Variants in C10orf67 observed in about 807,000 individuals in gnomAD.
C10orf67 encodes the protein uncharacterized protein C10orf67, mitochondrial.
In C10orf67, 60 loss-of-function variants were observed where a neutral mutation model predicts 35.6. That is an observed-to-expected ratio of 1.68 (90% confidence interval 1.37 to 2.09). The LOEUF is 2.09. Among genes scored for constraint, C10orf67 ranks in the 30% most tolerant of loss-of-function variants. The pLI, the probability that C10orf67 is intolerant of heterozygous loss-of-function variation, is 0.00. For missense variants in C10orf67, 474 were observed against 330.2 expected, an observed-to-expected ratio of 1.44 and a Z score of -3.38; for synonymous variants, 167 against 115.8, an observed-to-expected ratio of 1.44 and a Z score of -2.84.
intron 10 of C10orf67, among the ~76,000 whole-genome samples, chr10:23,262,383 G>A (rs1036298202): frequency 4.0e-5 from 6 of 151,500 alleles, no homozygotes; most frequent in African/African-American, 1.5e-4. Flanking sequence ...GGGTCACCTC[G>A]CTGTCTGTGG....
intron 1 of C10orf67, among the ~76,000 whole-genome samples, chr10:23,343,312 G>A (rs1001300678): frequency 6.6e-6 from 1 of 152,088 alleles, no homozygotes; most frequent in Non-Finnish European, 1.5e-5. Flanking sequence ...GGTGGGAGCG[G>A]GTGTGGGGGA....
At chr10:23,259,161 C>T (rs560210901) in intron 10 of C10orf67, among the ~76,000 whole-genome samples, 1 of 152,196 alleles carries the variant, frequency 6.6e-6, no homozygotes, top group Non-Finnish European at 1.5e-5. Flanking sequence ...TAAACACTTT[C>T]TCTGTTTACC....
chr10:23,241,309 G>T (rs1190136136), intron 12 of C10orf67, among the ~76,000 whole-genome samples: 1 of 152,190 alleles, frequency 6.6e-6, no homozygotes, highest in African/African-American at 2.4e-5. Context: ...GTCCCAGGAT[G>T]AATTATAACC....
chr10:23,264,151 G>A (rs1319812471), intron 10 of C10orf67, among the ~76,000 whole-genome samples: 1 of 152,136 alleles, frequency 6.6e-6, no homozygotes, highest in East Asian at 1.9e-4. Flanking sequence ...TACCTCCATG[G>A]AGTTAAATAT....
At chr10:23,207,697 T>C (rs542735503) in intron 15 of C10orf67, among the ~76,000 whole-genome samples, 1 of 152,332 alleles carries the variant, frequency 6.6e-6, no homozygotes, top group East Asian at 1.9e-4. Flanking sequence ...TGGATGTCCA[T>C]TGGAAAGCTA....
chr10:23,333,096 T>C lies in C10orf67; in HGVS notation c.293A>G (p.Lys98Arg). The change falls in exon 2 of 16, where the codon AAA becomes AGA. Residue 98 changes from lysine (K) to arginine (R), a missense_variant. By Grantham distance (26) the Lys-to-Arg change is conservative. Transcript: ENST00000636213. The part of the protein sequence containing the change: ...QTDSSEILSV[K>R]ELSSSTQKLA... ...CTTTTGCGTAGATGAACTCAATTCT[T>C]TTACTGACAGTATTTCACTGGAATC... 6.2e-7 allele frequency: 1 copy of C among 1,612,126 alleles called. No individual in the cohort carries two copies. The highest frequency in any genetic ancestry group is 8.5e-7 in the Non-Finnish European group (1 of 1,178,716).
In C10orf67 at chr10:23,284,695, CCAAACAAACAAA is replaced by C. The variant is rs72488870; in HGVS notation, c.910-2629_910-2618del. 7.3e-5 allele frequency among the ~76,000 whole-genome samples: 11 copies of C among 151,154 alleles called. 1 individual carries two copies. The highest frequency in any genetic ancestry group is 6.0e-4 in the Admixed American group (9 of 15,094). On this transcript the variant is annotated intron_variant, in intron 7 of 15. Transcript: ENST00000636213. The stretch of plus-strand genomic sequence containing the variant: ...AGCAAGACCTTATCTCAAAAAACCC[CCAAACAAACAAA>C]CAAACAAACAAACAAAAAAACCTAA...
intron 13 of C10orf67, among the ~76,000 whole-genome samples, chr10:23,236,429 T>TCAAAA (rs553906349): frequency 0.032 from 4,776 of 151,146 alleles, 247 homozygotes; most frequent in African/African-American, 0.11. Context: ...AGACTCTGTC[T>TCAAAA]CAAAACAAAA....
intron 12 of C10orf67, among the ~76,000 whole-genome samples, chr10:23,245,645 A>G (rs1451909594): frequency 6.6e-6 from 1 of 152,210 alleles, no homozygotes; most frequent in East Asian, 1.9e-4. Flanking sequence ...AATCAAAACC[A>G]CAATAAGATA....
At chr10:23,302,662 T>A (rs1027921344) in intron 5 of C10orf67, among the ~76,000 whole-genome samples, 3 of 152,184 alleles carry the variant, frequency 2.0e-5, no homozygotes, top group Admixed American at 1.3e-4. Flanking sequence ...AGAGCAGACA[T>A]GAGATGACAA....
chr10:23,251,804 G>A (rs1292336889), intron 10 of C10orf67, among the ~76,000 whole-genome samples: 1 of 151,702 alleles, frequency 6.6e-6, no homozygotes, highest in Non-Finnish European at 1.5e-5. Flanking sequence ...TAGCTTATCT[G>A]GCAAGAAAAT....
At chr10:23,262,941 T>A (rs1842790357) in intron 10 of C10orf67, among the ~76,000 whole-genome samples, 2 of 152,220 alleles carry the variant, frequency 1.3e-5, no homozygotes, top group South Asian at 4.1e-4. Context: ...TATCTGTACA[T>A]TTTAGGGTTA....
At chr10:23,323,952 T>TACACACACACACACACAC (rs747699026) in intron 2 of C10orf67, among the ~76,000 whole-genome samples, 10 of 64,692 alleles carry the variant, frequency 1.5e-4, no homozygotes, top group African/African-American at 5.4e-4. Context: ...TATATATATA[T>TACACACACACACACACAC]ACACACACAC....
intron 10 of C10orf67, among the ~76,000 whole-genome samples, chr10:23,265,933 G>A (rs577176889): frequency 8.2e-4 from 125 of 152,328 alleles, no homozygotes; most frequent in African/African-American, 3.0e-3. Context: ...ATCTTCTGAT[G>A]ACACTGGGCA....
rs1206667483 is a variant in C10orf67 at position 23,344,593 on chromosome 10, G to A, written c.182C>T (p.Pro61Leu). 8.2e-6 allele frequency: 13 copies of A among 1,579,494 alleles called. No individual in the cohort carries two copies. The highest frequency in any genetic ancestry group is 1.0e-5 in the Non-Finnish European group (12 of 1,163,724). Residue 61 changes from proline (P) to leucine (L), a missense_variant, in exon 1 of 16, where the codon CCC (proline) becomes CTC (leucine). Transcript: ENST00000636213. ...CCTCGTGGACCCGCGCATTTGCGGG[G>A]GCTTGAATTCCCGAGCTTCTCGCTT... Reference protein sequence around the residue: ...RRKREAREFKPPQMRGSTRLN... With the variant: ...RRKREAREFKLPQMRGSTRLN...
chr10:23,329,981 T>C (rs1408816714), intron 2 of C10orf67, among the ~76,000 whole-genome samples: 1 of 152,134 alleles, frequency 6.6e-6, no homozygotes, highest in Non-Finnish European at 1.5e-5. Flanking sequence ...AAACCAAATT[T>C]TACCACATCA....
At chr10:23,331,584 G>A (rs183115557) in intron 2 of C10orf67, among the ~76,000 whole-genome samples, 14 of 130,232 alleles carry the variant, frequency 1.1e-4, no homozygotes, top group African/African-American at 4.2e-4. Context: ...ATGGGGAAGG[G>A]AGGGGAGGGG....
At chr10:23,233,807 A>G (rs1841972844) in intron 13 of C10orf67, among the ~76,000 whole-genome samples, 1 of 152,190 alleles carries the variant, frequency 6.6e-6, no homozygotes, top group Non-Finnish European at 1.5e-5. Flanking sequence ...GGTTTTGATA[A>G]TTTCAGAAAT....
At chr10:23,341,490 C>T (rs1389580500) in intron 1 of C10orf67, among the ~76,000 whole-genome samples, 2 of 152,300 alleles carry the variant, frequency 1.3e-5, no homozygotes, top group East Asian at 1.9e-4. Flanking sequence ...TTTCTGCCCT[C>T]GTCCTCACTA....
Sources: gnomAD v4.1 joint callset for allele counts (sites outside exome capture counted in the v4.1 genomes callset) on GRCh38, gnomAD v4.1.1 for gene constraint, MANE v1.5 for transcripts, NCBI Gene and HGNC (gene_info 2026-07-23, HGNC 2026-07-21) for gene names.